The following FAM219B variants were observed in gnomAD, a reference collection of about 807,000 sequenced individuals.
The protein encoded by FAM219B is family with sequence similarity 219 member B, also known as protein FAM219B.
FAM219B carries 18 observed loss-of-function variants against 19.9 expected under a neutral mutation model. That is an observed-to-expected ratio of 0.91 (90% confidence interval 0.63 to 1.34). FAM219B has a LOEUF of 1.34. FAM219B is among the 40% of genes most tolerant of loss of function. The pLI is 0.00. For synonymous variants in FAM219B, 123 were observed against 117.5 expected, an observed-to-expected ratio of 1.05 and a Z score of -0.30; for missense variants, 283 against 270.5, an observed-to-expected ratio of 1.05 and a Z score of -0.32.
At position 74,906,340 on chromosome 15, in the gene FAM219B, G is replaced by A. The variant is rs1454675332; in HGVS notation, c.240C>T (p.Ala80=). 2 of 1,613,016 alleles carry A rather than the reference G, an allele frequency of 1.2e-6. No individual in the cohort carries two copies. Among genetic ancestry groups the A allele is most frequent in the South Asian group, 2.2e-5 (2 of 90,834 alleles). Residue 80 remains alanine (A), a synonymous_variant, in exon 2 of 5, where the codon GCC becomes GCT. Coordinates refer to ENST00000357635, the MANE Select transcript of FAM219B (RefSeq NM_020447.5). ...KLQKHRDLAK[A]VLRRKGMLGA... ...CCAGCATGCCTTTTCTCCGCAGAACGGCCTTGGCCAGGTCCCGGTGCTTCT... is the reference window on the plus strand; with the variant it reads ...CCAGCATGCCTTTTCTCCGCAGAACAGCCTTGGCCAGGTCCCGGTGCTTCT...
Position 74,902,551 on chromosome 15 carries a change from G to A in FAM219B, c.*68C>T. On this transcript the variant is annotated 3_prime_UTR_variant, in exon 5 of 5. Coordinates refer to ENST00000357635, the MANE Select transcript of FAM219B (RefSeq NM_020447.5). ...GACTTCAGTGCTCACTGCACTGTGT[G>A]AGCTATGAGTGGCCAACAGGGCTCT... The A allele has an allele frequency of 8.7e-6, 13 of 1,491,752 alleles. No homozygotes were observed. Among genetic ancestry groups the A allele is most frequent in the Non-Finnish European group, 1.2e-5 (13 of 1,110,702 alleles). 92.4% of individuals were successfully genotyped at this position (1,491,752 alleles called of 1,614,324 possible). A position where few individuals can be genotyped will look rare whatever the true frequency, so the allele number is the denominator to read the frequency against.
rs1340526588 is a variant in FAM219B, at chr15:74,900,944, T to C, written c.*1675A>G. ...ACTCACAGGATTACCATCGTAAGGA[T>C]GGTTGTCAGACAAATAACAAATAAG... On this transcript the variant is annotated 3_prime_UTR_variant, in exon 5 of 5. Transcript: ENST00000357635. 6.6e-6 allele frequency: 1 copy of C among 152,218 alleles called. No homozygotes were observed. The highest frequency in any genetic ancestry group is 1.5e-5 in the Non-Finnish European group (1 of 68,036). 9.4% of individuals were successfully genotyped at this position (152,218 alleles called of 1,614,324 possible).
intron 4 of FAM219B, among the ~76,000 whole-genome samples, chr15:74,904,353 T>A (rs1011875232): frequency 2.6e-5 from 4 of 152,172 alleles, no homozygotes; most frequent in African/African-American, 9.7e-5. Flanking sequence ...GTCTTGGAAC[T>A]CCTGGGCTCA....
chr15:74,905,443 A>G (rs2065147900), intron 2 of FAM219B: 1 of 464,508 alleles, frequency 2.2e-6, no homozygotes, highest in Non-Finnish European at 4.0e-6. Context: ...CTTTTTTTGG[A>G]GACAGAGTCT....
intron 2 of FAM219B, chr15:74,905,433 C>CTTTTTT: frequency 4.0e-6 from 2 of 496,160 alleles, no homozygotes; most frequent in Non-Finnish European, 7.4e-6. Flanking sequence ...TTCTTTTTTT[C>CTTTTTT]TTTTTTTGGA....
In FAM219B at chr15:74,900,937, G is replaced by C. The variant is rs77564174; in HGVS notation, c.*1682C>G. The C allele has an allele frequency of 8.5e-5, 13 of 152,176 alleles. No individual in the cohort carries two copies. Among genetic ancestry groups the C allele is most frequent in the African/African-American group, 3.1e-4 (13 of 41,426 alleles). The allele number at this position is 152,176 out of a possible 1,614,324, so 9.4% of individuals were successfully genotyped here. ...ATCAGGCACTCACAGGATTACCATC[G>C]TAAGGATGGTTGTCAGACAAATAAC... On this transcript the variant is annotated 3_prime_UTR_variant, in exon 5 of 5. Coordinates refer to ENST00000357635, the MANE Select transcript of FAM219B (RefSeq NM_020447.5).
intron 3 of FAM219B, 122 bp downstream of exon 3, chr15:74,905,032 G>A: frequency 6.4e-7 from 1 of 1,566,242 alleles, no homozygotes; most frequent in Non-Finnish European, 8.6e-7. Flanking sequence ...GTTCAGAAGA[G>A]AACGGCCCTG....
At position 74,902,463 on chromosome 15, in the gene FAM219B, G is replaced by C; in HGVS notation, c.*156C>G. 1.7e-6 allele frequency: 1 copy of C among 593,372 alleles called. No homozygotes were observed. Among genetic ancestry groups the C allele is most frequent in the South Asian group, 4.9e-5 (1 of 20,334 alleles). 36.8% of individuals were successfully genotyped at this position (593,372 alleles called of 1,614,324 possible). On this transcript the variant is annotated 3_prime_UTR_variant, in exon 5 of 5. Coordinates refer to ENST00000357635, the MANE Select transcript of FAM219B (RefSeq NM_020447.5). The stretch of plus-strand genomic sequence containing the variant: ...TACCTATCAGCCCACAGCCCAGATG[G>C]GGGCCTCTGGCCTGAGAAGCAACAG...
In FAM219B at chr15:74,902,464, G is replaced by T. The variant is rs1246139004; in HGVS notation, c.*155C>A. On this transcript the variant is annotated 3_prime_UTR_variant, in exon 5 of 5. Transcript: ENST00000357635. ...ACCTATCAGCCCACAGCCCAGATGGGGGCCTCTGGCCTGAGAAGCAACAGG... is the reference window on the plus strand; with the variant it reads ...ACCTATCAGCCCACAGCCCAGATGGTGGCCTCTGGCCTGAGAAGCAACAGG... The T allele has an allele frequency of 1.3e-5, 8 of 600,654 alleles. No homozygotes were observed. Among genetic ancestry groups the T allele is most frequent in the Non-Finnish European group, 2.1e-5 (8 of 388,330 alleles). 37.2% of individuals were successfully genotyped at this position (600,654 alleles called of 1,614,324 possible). A position where few individuals can be genotyped will look rare whatever the true frequency, so the allele number is the denominator to read the frequency against.
chr15:74,904,339 G>A (rs896682154), intron 4 of FAM219B, among the ~76,000 whole-genome samples: 1 of 152,140 alleles, frequency 6.6e-6, no homozygotes, highest in African/African-American at 2.4e-5. Flanking sequence ...TATTGTCCAG[G>A]CTGGTCTTGG....
rs2064965194 is a variant in FAM219B, at chr15:74,901,703, T to G, written c.*916A>C. 1 of 159,122 alleles carries G rather than the reference T, an allele frequency of 6.3e-6. No homozygotes were observed. The highest frequency in any genetic ancestry group is 1.4e-5 in the Non-Finnish European group (1 of 72,882). 9.9% of individuals were successfully genotyped at this position (159,122 alleles called of 1,614,324 possible). The stretch of plus-strand genomic sequence containing the variant: ...ATACCCACTCTCACGAGTCCATTGC[T>G]ACTTCTCAAAAGTTTAAAAAGTAAA... On this transcript the variant is annotated 3_prime_UTR_variant, in exon 5 of 5. Coordinates refer to ENST00000357635, the MANE Select transcript of FAM219B (RefSeq NM_020447.5).
In FAM219B at chr15:74,906,715, C is replaced by A; in HGVS notation, c.86G>T (p.Gly29Val). The change falls in exon 1 of 5, where the codon GGA (glycine) becomes GTA (valine). Residue 29 changes from glycine to valine, a missense_variant. By Grantham distance (109) the Gly-to-Val change is moderately radical (BLOSUM62 -3). Transcript: ENST00000357635. ...CTGCCCGGAGGGTGGCCCCGCAGCT[C>A]CCGGCGCGCGGTCCCGAGCCCCGCT... ...RPSGARDRAPGAAGPPSGQIG... is the reference protein window; with the variant it reads ...RPSGARDRAPVAAGPPSGQIG... 2 of 1,389,450 alleles carry A rather than the reference C, an allele frequency of 1.4e-6. No individual in the cohort carries two copies. Among genetic ancestry groups the A allele is most frequent in the Non-Finnish European group, 1.9e-6 (2 of 1,069,618 alleles). The allele number at this position is 1,389,450 out of a possible 1,614,324, so 86.1% of individuals were successfully genotyped here.
At position 74,905,185 on chromosome 15, in the gene FAM219B, C is replaced by G. The variant is rs1160664781; in HGVS notation, c.349G>C (p.Asp117His). 8 of 1,614,082 alleles carry G rather than the reference C, an allele frequency of 5.0e-6. No homozygotes were observed. The highest frequency in any genetic ancestry group is 6.8e-6 in the Non-Finnish European group (8 of 1,179,982). Residue 117 changes from aspartate (D) to histidine (H), a missense_variant, in exon 3 of 5, where the codon GAT (aspartate) becomes CAT (histidine). By Grantham distance (81) the Asp-to-His change is moderately conservative. Transcript: ENST00000357635. ...KGYTALSQSPDENLVSLDSDS... is the reference protein window; with the variant it reads ...KGYTALSQSPHENLVSLDSDS... ...GAGTCGAGGGACACCAGGTTTTCAT[C>G]TGGACTCTGGCTAAGAGCAGTATAG...
chr15:74,902,477 G>A lies in FAM219B; in HGVS notation c.*142C>T. 1.3e-6 allele frequency: 1 copy of A among 773,642 alleles called. No individual in the cohort carries two copies. The highest frequency in any genetic ancestry group is 1.9e-6 in the Non-Finnish European group (1 of 535,820). 47.9% of individuals were successfully genotyped at this position (773,642 alleles called of 1,614,324 possible). A position where few individuals can be genotyped will look rare whatever the true frequency, so the allele number is the denominator to read the frequency against. ...CAGCCCAGATGGGGGCCTCTGGCCT[G>A]AGAAGCAACAGGTAAGGGCTACCTG... is the stretch of plus-strand genomic sequence containing the variant. On this transcript the variant is annotated 3_prime_UTR_variant, in exon 5 of 5. Transcript: ENST00000357635.
In FAM219B at chr15:74,902,774, C is replaced by T; in HGVS notation, c.442G>A (p.Asp148Asn). 1 of 1,608,522 alleles carries T rather than the reference C, an allele frequency of 6.2e-7. No homozygotes were observed. The highest frequency in any genetic ancestry group is 8.5e-7 in the Non-Finnish European group (1 of 1,177,346). ...GYSSAEQVNQ[D>N]VSRQLLQDGY... ...TCCTGAAGCAGCTGCCGGCTCACATCCTGGTTCACCTGCTAAGAGAAGGAG... is the reference window on the plus strand; with the variant it reads ...TCCTGAAGCAGCTGCCGGCTCACATTCTGGTTCACCTGCTAAGAGAAGGAG... Residue 148 changes from aspartate to asparagine, a missense_variant, in exon 5 of 5, where the codon GAT becomes AAT. Transcript: ENST00000357635.
intron 4 of FAM219B, among the ~76,000 whole-genome samples, chr15:74,904,328 A>G (rs758894851): frequency 1.3e-5 from 2 of 152,190 alleles, no homozygotes; most frequent in African/African-American, 4.8e-5. Context: ...GGGTCTTGCT[A>G]TATTGTCCAG....
At chr15:74,902,847 A>G in intron 4 of FAM219B, 61 bp from the exon 5 acceptor site, 1 of 1,543,704 alleles carries the variant, frequency 6.5e-7, no homozygotes, top group Non-Finnish European at 8.7e-7. Context: ...ACTGCTACCC[A>G]AAAGACAGAA....
At chr15:74,902,807 AAC>A in intron 4 of FAM219B, 21 bp from the exon 5 acceptor site, 1 of 1,593,796 alleles carries the variant, frequency 6.3e-7, no homozygotes, top group Non-Finnish European at 8.5e-7. Flanking sequence ...GAGAGGAGGG[AAC>A]TATAGGCCAA....
At chr15:74,904,593 A>C (rs2065107167) in intron 4 of FAM219B, 71 bp downstream of exon 4, 1 of 1,570,908 alleles carries the variant, frequency 6.4e-7, no homozygotes, top group Admixed American at 1.7e-5. Flanking sequence ...GCGGGCACCA[A>C]ACAAGCATTT....
Sources: gnomAD v4.1 joint callset for allele counts (sites outside exome capture counted in the v4.1 genomes callset) on GRCh38, gnomAD v4.1.1 for gene constraint, MANE v1.5 for transcripts, NCBI Gene and HGNC (gene_info 2026-07-23, HGNC 2026-07-21) for gene names.